TRIM7: variants seen among roughly 807,000 people sequenced by gnomAD.
TRIM7 encodes tripartite motif containing 7.
A neutral mutation model predicts 37.9 loss-of-function variants in TRIM7; 32 were observed. That is an observed-to-expected ratio of 0.84 (90% CI 0.64 to 1.13). The LOEUF (loss-of-function observed/expected upper bound fraction) is 1.13. Ranked by LOEUF, TRIM7 falls within the 50% of genes most tolerant of loss-of-function variation. TRIM7 has a pLI of 0.00. For missense variants in TRIM7, 732 were observed against 714.0 expected, an observed-to-expected ratio of 1.03 and a Z score of -0.29; for synonymous variants, 351 against 321.3, an observed-to-expected ratio of 1.09 and a Z score of -0.99.
intron 6 of TRIM7, 83 bp downstream of exon 6, chr5:181,198,100 A>C (rs746098667): frequency 3.4e-5 from 52 of 1,535,588 alleles, no homozygotes; most frequent in Non-Finnish European, 4.5e-5. Flanking sequence ...GACCATATGC[A>C]AAACCCTGAG....
rs775824431 is a variant in TRIM7, at chr5:181,205,106, G to T, written c.5C>A (p.Ala2Glu). 4 of 1,320,496 alleles carry T rather than the reference G, an allele frequency of 3.0e-6. No homozygotes were observed. The highest frequency in any genetic ancestry group is 3.9e-6 in the Non-Finnish European group (4 of 1,036,434). The allele number at this position is 1,320,496 out of a possible 1,614,324, so 81.8% of individuals were successfully genotyped here. A position where few individuals can be genotyped will look rare whatever the true frequency, so the allele number is the denominator to read the frequency against. Residue 2 changes from alanine (A) to glutamate (E), a missense_variant, in exon 1 of 7, where the codon GCG becomes GAG. Transcript: ENST00000274773. MAAVGPRTGPGT... is the reference protein window; with the variant it reads MEAVGPRTGPGT... Reference sequence around the variant, plus strand: ...GGGGCCGGTCCGCGGTCCCACAGCCGCCATGCGCGCTCTCCGCGCACCCAG... The same window carrying T: ...GGGGCCGGTCCGCGGTCCCACAGCCTCCATGCGCGCTCTCCGCGCACCCAG...
At chr5:181,200,156 C>A in intron 2 of TRIM7, 75 bp from the exon 3 acceptor site, 1 of 1,612,642 alleles carries the variant, frequency 6.2e-7, no homozygotes, top group Non-Finnish European at 8.5e-7. Flanking sequence ...TGAGTCATCC[C>A]ACAGGGCAAG....
chr5:181,199,048 G>C (rs758444100), intron 4 of TRIM7, 47 bp downstream of exon 4: 1 of 1,612,522 alleles, frequency 6.2e-7, no homozygotes, highest in East Asian at 2.2e-5. Flanking sequence ...TCAGTGAAAA[G>C]GGAAGAAGCA....
Position 181,203,369 on chromosome 5 carries a change from C to T in TRIM7, c.618+176G>A, listed in dbSNP as rs532924410. On this transcript the variant is annotated intron_variant, in intron 2 of 6. Transcript: ENST00000274773. ...TAGCACTGCTTTTCACTTTAAAAAG[C>T]TCTGGTTTGTACAACAATTATGTGG... is the stretch of plus-strand genomic sequence containing the variant. The T allele has an allele frequency of 1.9e-4, 266 of 1,434,938 alleles. No homozygotes were observed. The African/African-American group carries it at 3.4e-3, about 18-fold the overall frequency. 88.9% of individuals were successfully genotyped at this position (1,434,938 alleles called of 1,614,324 possible).
At chr5:181,196,063 TG>T (rs1449241135) in intron 6 of TRIM7, 1 of 194,616 alleles carries the variant, frequency 5.1e-6, no homozygotes, top group African/African-American at 2.3e-5. Context: ...TTTATGGCAA[TG>T]ATATGTTGTC....
intron 2 of TRIM7, chr5:181,200,447 T>C (rs946865265): frequency 1.2e-5 from 14 of 1,215,386 alleles, no homozygotes; most frequent in Non-Finnish European, 1.3e-5. Flanking sequence ...AGGATTAAAC[T>C]GAGATTGCTT....
chr5:181,201,376 T>C (rs374919028), intron 2 of TRIM7, among the ~76,000 whole-genome samples: 1 of 152,226 alleles, frequency 6.6e-6, no homozygotes, highest in East Asian at 1.9e-4. Flanking sequence ...GCAGCAATAG[T>C]TGGGCTCTAC....
chr5:181,203,651 A>C lies in TRIM7; in HGVS notation c.523-11T>G. 7 of 1,604,938 alleles carry C rather than the reference A, an allele frequency of 4.4e-6. No individual in the cohort carries two copies. The highest frequency in any genetic ancestry group is 5.9e-6 in the Non-Finnish European group (7 of 1,176,512). ...GGACTCCAAGAGCTCCTGTAGATGA[A>C]GGGAAACAATGTAAGGTGGGGGTGA... is the stretch of plus-strand genomic sequence containing the variant. On this transcript the variant is annotated splice_polypyrimidine_tract_variant and intron_variant, in intron 1 of 6. Coordinates refer to ENST00000274773, the MANE Select transcript of TRIM7 (RefSeq NM_203293.3).
intron 2 of TRIM7, chr5:181,200,369 T>C (rs544710621): frequency 1.4e-6 from 2 of 1,389,504 alleles, no homozygotes; most frequent in African/African-American, 1.4e-5. Flanking sequence ...CCCCCAGAAC[T>C]ACGCCAAGCT....
intron 2 of TRIM7, chr5:181,200,775 G>A (rs1387194920): frequency 5.1e-6 from 5 of 985,802 alleles, no homozygotes; most frequent in Non-Finnish European, 6.0e-6. Flanking sequence ...GATTTTTTAT[G>A]TGAACACACG....
rs931547055 is a variant in TRIM7, at chr5:181,195,875, A to G, written c.1025-198T>C. ...CTTCCCCCCGCCCCGACCACTCAAC[A>G]AGTACTTACTGAAATCAAACAAATG... On this transcript the variant is annotated intron_variant, in intron 6 of 6. Coordinates refer to ENST00000274773, the MANE Select transcript of TRIM7 (RefSeq NM_203293.3). The G allele has an allele frequency of 1.1e-4, 61 of 539,360 alleles. No homozygotes were observed. The Middle Eastern group carries it at 2.4e-3, about 21-fold the overall frequency. 33.4% of individuals were successfully genotyped at this position (539,360 alleles called of 1,614,324 possible). A position where few individuals can be genotyped will look rare whatever the true frequency, so the allele number is the denominator to read the frequency against.
chr5:181,203,873 G>C, intron 1 of TRIM7: 1 of 1,303,626 alleles, frequency 7.7e-7, no homozygotes, highest in Non-Finnish European at 9.7e-7. Context: ...CACAAGCTCC[G>C]GCAGCCCTAC....
In TRIM7 at chr5:181,199,882, G is replaced by A. The variant is rs1757365420; in HGVS notation, c.818C>T (p.Thr273Ile). The A allele has an allele frequency of 6.2e-7, 1 of 1,614,060 alleles. No homozygotes were observed. Among genetic ancestry groups the A allele is most frequent in the African/African-American group, 1.3e-5 (1 of 74,942 alleles). The change falls in exon 3 of 7, where the codon ACA (threonine) becomes ATA (isoleucine). Residue 273 changes from threonine to isoleucine, a missense_variant. By Grantham distance (89) the Thr-to-Ile change is moderately conservative. Coordinates refer to ENST00000274773, the MANE Select transcript of TRIM7 (RefSeq NM_203293.3). ...LSKLSSQIQETAQKPDLDFLQ... is the reference protein window; with the variant it reads ...LSKLSSQIQEIAQKPDLDFLQ... ...AAAGTCAAGGTCAGGCTTTTGAGCT[G>A]TCTCCTGGATCTGGCTGCTGAGCTT...
At position 181,200,054 on chromosome 5, in the gene TRIM7, C is replaced by A. The variant is rs765108080; in HGVS notation, c.646G>T (p.Val216Leu). The change falls in exon 3 of 7, where the codon GTG (valine) becomes TTG (leucine). Residue 216 changes from valine to leucine, a missense_variant. By Grantham distance (32) the Val-to-Leu change is conservative (BLOSUM62 1). Coordinates refer to ENST00000274773, the MANE Select transcript of TRIM7 (RefSeq NM_203293.3). ...LKQMAAEQEK[V>L]GAEFQALRAF... is the part of the protein sequence containing the mutation. The stretch of plus-strand genomic sequence containing the variant: ...CTCAGTGCCTGGAACTCTGCCCCCA[C>A]CTTCTCCTGCTCCGCTGCCATCTGT... 1.2e-6 allele frequency: 2 copies of A among 1,614,254 alleles called. No individual in the cohort carries two copies. The highest frequency in any genetic ancestry group is 2.2e-5 in the South Asian group (2 of 91,090).
rs750165938 is a variant in TRIM7, at chr5:181,194,269, C to G, written c.*897G>C. The G allele has an allele frequency of 2.6e-5, 4 of 152,200 alleles. No homozygotes were observed. The highest frequency in any genetic ancestry group is 5.9e-5 in the Non-Finnish European group (4 of 68,048). The allele number at this position is 152,200 out of a possible 1,614,324, so 9.4% of individuals were successfully genotyped here. A position where few individuals can be genotyped will look rare whatever the true frequency, so the allele number is the denominator to read the frequency against. Reference sequence around the variant, plus strand: ...AAAAACAAAAAAAGTTCGGGTACAGCGGCTCACACCTGTAATCCCAGCTCT... The same window carrying G: ...AAAAACAAAAAAAGTTCGGGTACAGGGGCTCACACCTGTAATCCCAGCTCT... On this transcript the variant is annotated 3_prime_UTR_variant, in exon 7 of 7. Transcript: ENST00000274773.
At chr5:181,204,093 G>T in intron 1 of TRIM7, 1 of 997,916 alleles carries the variant, frequency 1.0e-6, no homozygotes, top group South Asian at 4.6e-5. Flanking sequence ...ACAGTCAGAC[G>T]GCTCTAGGTG....
chr5:181,197,083 C>G (rs1168850166), intron 6 of TRIM7: 1 of 151,652 alleles, frequency 6.6e-6, no homozygotes, highest in Admixed American at 6.6e-5. Context: ...ATCGCTTGAG[C>G]TTGCGGGGTG....
In TRIM7 at chr5:181,205,153, C is replaced by A. The variant is rs768948599; in HGVS notation, c.-43G>T. The A allele has an allele frequency of 3.1e-6, 4 of 1,276,412 alleles. No homozygotes were observed. Among genetic ancestry groups the A allele is most frequent in the Non-Finnish European group, 4.0e-6 (4 of 1,011,000 alleles). The allele number at this position is 1,276,412 out of a possible 1,614,324, so 79.1% of individuals were successfully genotyped here. ...CCAGATCTGGTCGCGCCTGGGCGGC[C>A]ACTGGACCTCACAGGACGCGGAGCT... On this transcript the variant is annotated 5_prime_UTR_variant, in exon 1 of 7. Coordinates refer to ENST00000274773, the MANE Select transcript of TRIM7 (RefSeq NM_203293.3).
intron 2 of TRIM7, chr5:181,202,604 T>TCGCCCAGG (rs1274954366): frequency 3.3e-5 from 5 of 150,598 alleles, no homozygotes; most frequent in Non-Finnish European, 5.9e-5. Flanking sequence ...TCTCGCTCTG[T>TCGCCCAGG]CTCCCAGGCT....
Sources: allele counts gnomAD v4.1 joint callset (sites outside exome capture counted in the v4.1 genomes callset), GRCh38; gene constraint gnomAD v4.1.1; transcripts MANE v1.5; gene names NCBI Gene and HGNC (gene_info 2026-07-23, HGNC 2026-07-21).